Variants in RAB4A observed in about 807,000 individuals in gnomAD.
RAB4A encodes ras-related protein Rab-4A.
In RAB4A, 20 loss-of-function variants were observed where a neutral mutation model predicts 34.5. That is an observed-to-expected ratio of 0.58 (90% CI 0.41 to 0.84). RAB4A has a LOEUF of 0.84. Among genes scored for constraint, RAB4A ranks in the 40% least tolerant of loss-of-function variants. RAB4A has a pLI of 0.00. For synonymous variants in RAB4A, 102 were observed against 100.0 expected, an observed-to-expected ratio of 1.02 and a Z score of -0.12; for missense variants, 228 against 274.5, an observed-to-expected ratio of 0.83 and a Z score of 1.20.
chr1:229,295,698 T>A, intron 3 of RAB4A, 150 bp from the exon 4 acceptor site: 1 of 717,956 alleles, frequency 1.4e-6, no homozygotes. Flanking sequence ...CACATGTATG[T>A]TCAAATATCT....
chr1:229,288,069 A>G (rs186515354), intron 2 of RAB4A, among the ~76,000 whole-genome samples: 1 of 152,304 alleles, frequency 6.6e-6, no homozygotes, highest in East Asian at 1.9e-4. Flanking sequence ...ATAGAACACT[A>G]CGATTAATGA....
At chr1:229,301,296 G>C (rs544885850) in intron 6 of RAB4A, among the ~76,000 whole-genome samples, 19 of 152,038 alleles carry the variant, frequency 1.2e-4, no homozygotes, top group African/African-American at 4.4e-4. Context: ...GGGGGAAGGA[G>C]AGAAGAATGG....
intron 3 of RAB4A, among the ~76,000 whole-genome samples, chr1:229,295,261 AAG>A (rs1253527260): frequency 6.6e-6 from 1 of 152,124 alleles, no homozygotes; most frequent in Non-Finnish European, 1.5e-5. Flanking sequence ...AAATCTCACA[AAG>A]AGGGTGAGAT....
intron 4 of RAB4A, 25 bp from the exon 5 acceptor site, chr1:229,297,457 A>G: frequency 1.3e-6 from 2 of 1,570,580 alleles, no homozygotes; most frequent in South Asian, 2.4e-5. Context: ...TACATGTATT[A>G]TTTTCACAAT....
chr1:229,278,535 C>T (rs1393086457), intron 1 of RAB4A, among the ~76,000 whole-genome samples: 1 of 152,198 alleles, frequency 6.6e-6, no homozygotes, highest in Admixed American at 6.5e-5. Context: ...AACTTGCTTA[C>T]CTCATCCTTA....
intron 3 of RAB4A, among the ~76,000 whole-genome samples, chr1:229,290,689 C>T (rs1024705399): frequency 3.3e-5 from 5 of 152,160 alleles, no homozygotes; most frequent in Non-Finnish European, 7.4e-5. Context: ...ACTAAAACCA[C>T]AGTATCCTTA....
At chr1:229,276,847 T>A (rs959164002) in intron 1 of RAB4A, among the ~76,000 whole-genome samples, 1 of 150,900 alleles carries the variant, frequency 6.6e-6, no homozygotes, top group Non-Finnish European at 1.5e-5. Context: ...GTGCTGACTA[T>A]CTTACAGCTT....
At chr1:229,272,390 G>A (rs924358743) in intron 1 of RAB4A, among the ~76,000 whole-genome samples, 4 of 152,140 alleles carry the variant, frequency 2.6e-5, no homozygotes, top group African/African-American at 4.8e-5. Context: ...TGGCATTAGG[G>A]AAGCGAGCAC....
At chr1:229,303,180 A>G (rs1354508426) in intron 7 of RAB4A, among the ~76,000 whole-genome samples, 191 bp downstream of exon 7, 1 of 152,088 alleles carries the variant, frequency 6.6e-6, no homozygotes, top group Non-Finnish European at 1.5e-5. Flanking sequence ...CCTAGGCATC[A>G]TGGTGAAACA....
chr1:229,294,835 G>A (rs965773243), intron 3 of RAB4A, among the ~76,000 whole-genome samples: 1 of 152,164 alleles, frequency 6.6e-6, no homozygotes, highest in Non-Finnish European at 1.5e-5. Flanking sequence ...TCTCAAAAAA[G>A]ACAGTTGGAT....
At chr1:229,280,860 T>C (rs376835025) in intron 1 of RAB4A, among the ~76,000 whole-genome samples, 3 of 152,238 alleles carry the variant, frequency 2.0e-5, no homozygotes, top group African/African-American at 4.8e-5. Context: ...AAGAATATTA[T>C]ATAAATGGAA....
chr1:229,298,972 T>G lies in RAB4A; in HGVS notation c.446-5T>G. The G allele has an allele frequency of 6.2e-7, 1 of 1,605,284 alleles. No individual in the cohort carries two copies. The highest frequency in any genetic ancestry group is 1.1e-5 in the South Asian group (1 of 89,678). ...TGACTTTATTTTGTTTGATGTCCAT[T>G]TTAGAGCTGATGTTTTTGGAAACAA... On this transcript the variant is annotated splice_polypyrimidine_tract_variant and splice_region_variant and intron_variant, in intron 5 of 7. Coordinates refer to ENST00000366690, the MANE Select transcript of RAB4A (RefSeq NM_004578.4).
intron 5 of RAB4A, among the ~76,000 whole-genome samples, chr1:229,298,256 T>C (rs1657296556): frequency 6.6e-6 from 1 of 152,200 alleles, no homozygotes; most frequent in African/African-American, 2.4e-5. Context: ...AGATTCCAAA[T>C]TATATTGTAA....
rs766485214 is a variant in RAB4A, at chr1:229,305,368, A to G, written c.*1575A>G. The G allele has an allele frequency of 5.4e-6, 7 of 1,301,182 alleles. No homozygotes were observed. Among genetic ancestry groups the G allele is most frequent in the Middle Eastern group, 2.8e-4 (1 of 3,606 alleles). The allele number at this position is 1,301,182 out of a possible 1,614,324, so 80.6% of individuals were successfully genotyped here. A position where few individuals can be genotyped will look rare whatever the true frequency, so the allele number is the denominator to read the frequency against. On this transcript the variant is annotated 3_prime_UTR_variant, in exon 8 of 8. Transcript: ENST00000366690. Reference sequence around the variant, plus strand: ...GATAGGAGCATGTCTATTCTAACACATCAGCTTATTCAAAAGCAAGAATTT... The same window carrying G: ...GATAGGAGCATGTCTATTCTAACACGTCAGCTTATTCAAAAGCAAGAATTT...
chr1:229,288,916 A>G (rs1656992028), intron 3 of RAB4A, 73 bp downstream of exon 3: 2 of 920,698 alleles, frequency 2.2e-6, no homozygotes, highest in East Asian at 2.7e-5. Flanking sequence ...CTCTCAATAT[A>G]TAAGGTCTCA....
intron 3 of RAB4A, chr1:229,289,346 C>A (rs986082492): frequency 6.5e-6 from 1 of 152,756 alleles, no homozygotes; most frequent in Admixed American, 6.5e-5. Flanking sequence ...AATGAGGTTA[C>A]ATGTTTAGTA....
chr1:229,289,262 C>T (rs573238071), intron 3 of RAB4A: 3 of 160,854 alleles, frequency 1.9e-5, no homozygotes, highest in African/African-American at 7.2e-5. Flanking sequence ...GATACACACT[C>T]CACAAAATAT....
In RAB4A at chr1:229,305,555, G is replaced by C. The variant is rs1023572735; in HGVS notation, c.*1762G>C. 4 of 302,430 alleles carry C rather than the reference G, an allele frequency of 1.3e-5. No individual in the cohort carries two copies. Among genetic ancestry groups the C allele is most frequent in the African/African-American group, 4.3e-5 (2 of 46,310 alleles). The allele number at this position is 302,430 out of a possible 1,614,324, so 18.7% of individuals were successfully genotyped here. ...GCCTTTAGGGAGAATGAGGAGGAGA[G>C]ATAATTGGGTATTGTTCAGGCTAGT... On this transcript the variant is annotated 3_prime_UTR_variant, in exon 8 of 8. Coordinates refer to ENST00000366690, the MANE Select transcript of RAB4A (RefSeq NM_004578.4).
At chr1:229,297,754 G>C in intron 5 of RAB4A, 118 bp downstream of exon 5, 1 of 1,153,110 alleles carries the variant, frequency 8.7e-7, no homozygotes, top group Non-Finnish European at 1.2e-6. Context: ...AGGAAATGTG[G>C]AATTTCCAAT....
Sources: gnomAD v4.1 joint callset for allele counts (sites outside exome capture counted in the v4.1 genomes callset) on GRCh38, gnomAD v4.1.1 for gene constraint, MANE v1.5 for transcripts, NCBI Gene and HGNC (gene_info 2026-07-23, HGNC 2026-07-21) for gene names.